The following KIF13A variants were observed in gnomAD, a reference collection of about 807,000 sequenced individuals.
The protein encoded by KIF13A is kinesin-like protein KIF13A.
KIF13A carries 79 observed loss-of-function variants against 212.2 expected under a neutral mutation model. The observed-to-expected ratio is 0.37, with a 90% CI of 0.31 to 0.45. The LOEUF (loss-of-function observed/expected upper bound fraction) is 0.45. Among genes scored for constraint, KIF13A ranks in the 20% least tolerant of loss-of-function variants. The pLI is 1.00. For missense variants in KIF13A, 1,901 were observed against 2,209.0 expected (o/e 0.86, Z 2.79); for synonymous variants, 789 against 808.6 (o/e 0.98, Z 0.41).
Position 17,809,442 on chromosome 6 carries a change from T to C in KIF13A, c.2001-512A>G, listed in dbSNP as rs1393023792. On this transcript the variant is annotated intron_variant, in intron 17 of 38. Coordinates refer to ENST00000259711, the MANE Select transcript of KIF13A (RefSeq NM_022113.6). The surrounding 1 kb of genome is among the most constrained non-coding windows in gnomAD (Gnocchi z 4.7). Reference sequence around the variant, plus strand: ...ACAACATTACTTGCTGATAAAAAGCTTCTCTAATATCCCAGATTGGTCAAA... The same window carrying C: ...ACAACATTACTTGCTGATAAAAAGCCTCTCTAATATCCCAGATTGGTCAAA... 1.3e-5 allele frequency among the ~76,000 whole-genome samples: 2 copies of C among 152,234 alleles called. No individual in the cohort carries two copies. Among genetic ancestry groups the C allele is most frequent in the Non-Finnish European group, 2.9e-5 (2 of 68,034 alleles).
At position 17,772,812 on chromosome 6, in the gene KIF13A, TC is replaced by T. The variant is rs1038044041; in HGVS notation, c.4324+665del. 1.3e-5 allele frequency among the ~76,000 whole-genome samples: 2 copies of T among 148,908 alleles called. No individual in the cohort carries two copies. The highest frequency in any genetic ancestry group is 1.5e-5 in the Non-Finnish European group (1 of 66,604). Reference sequence around the variant, plus strand: ...AAATTTTCTTGCGAGCCTCTTTTTTTCCCCCTCAGGCCACCCTGCTATATAT... The same window carrying T: ...AAATTTTCTTGCGAGCCTCTTTTTTTCCCCTCAGGCCACCCTGCTATATAT... On this transcript the variant is annotated intron_variant, in intron 36 of 38. Transcript: ENST00000259711. The surrounding 1 kb of genome is among the most constrained non-coding windows in gnomAD (Gnocchi z 4.8).
chr6:17,823,573 T>C (rs1764668116), intron 16 of KIF13A, among the ~76,000 whole-genome samples: 1 of 151,882 alleles, frequency 6.6e-6, no homozygotes. Flanking sequence ...GTTCAAGTGA[T>C]TCTCGTGCTC....
rs1433165070 is a variant in KIF13A, at chr6:17,856,335, C to T, written c.221-213G>A. 6.6e-6 allele frequency among the ~76,000 whole-genome samples: 1 copy of T among 152,178 alleles called. No homozygotes were observed. The highest frequency in any genetic ancestry group is 1.5e-5 in the Non-Finnish European group (1 of 68,028). ...CAGTACCTGGATACACTGTTTCCCT[C>T]TAAGACACTTCTCTAGATATTAAAG... is the stretch of plus-strand genomic sequence containing the variant. On this transcript the variant is annotated intron_variant, in intron 4 of 38. Coordinates refer to ENST00000259711, the MANE Select transcript of KIF13A (RefSeq NM_022113.6). This position sits in a 1 kb window ranked among gnomAD's most constrained non-coding sequence, Gnocchi z 4.5.
chr6:17,919,075 G>T lies in KIF13A; in HGVS notation c.147-20895C>A, dbSNP rs531663788. 1.3e-5 allele frequency among the ~76,000 whole-genome samples: 2 copies of T among 152,212 alleles called. No individual in the cohort carries two copies. Among genetic ancestry groups the T allele is most frequent in the Admixed American group, 1.3e-4 (2 of 15,286 alleles). ...GATGCAGTCCTTGGCTCACATCAACGGATCACTTGTAACATTTGAGAAAAT... is the reference window on the plus strand; with the variant it reads ...GATGCAGTCCTTGGCTCACATCAACTGATCACTTGTAACATTTGAGAAAAT... On this transcript the variant is annotated intron_variant, in intron 2 of 38. Transcript: ENST00000259711. The surrounding 1 kb of genome is among the most constrained non-coding windows in gnomAD (Gnocchi z 4.1).
chr6:17,853,811 T>C (rs1767891417), intron 6 of KIF13A, among the ~76,000 whole-genome samples: 1 of 152,056 alleles, frequency 6.6e-6, no homozygotes, highest in African/African-American at 2.4e-5. Flanking sequence ...AACACAAAAT[T>C]CACAATAGTA....
At chr6:17,803,690 G>A (rs2150337449) in intron 20 of KIF13A, among the ~76,000 whole-genome samples, 1 of 152,224 alleles carries the variant, frequency 6.6e-6, no homozygotes, top group South Asian at 2.1e-4. Context: ...AGACCATTTA[G>A]GGGCCAGGAA....
chr6:17,851,746 C>A (rs544416488), intron 7 of KIF13A, among the ~76,000 whole-genome samples: 4 of 152,198 alleles, frequency 2.6e-5, no homozygotes, highest in African/African-American at 9.6e-5. Flanking sequence ...GGCCTCCCGG[C>A]CATACTGTAA....
intron 2 of KIF13A, among the ~76,000 whole-genome samples, chr6:17,975,310 G>A (rs148697485): frequency 1.6e-4 from 25 of 152,130 alleles, no homozygotes; most frequent in Non-Finnish European, 2.9e-4. Flanking sequence ...CTGAGACTGT[G>A]TTCCGAATTA....
rs140191648 is a variant in KIF13A, at chr6:17,837,084, A to G, written c.949T>C (p.Leu317=). ...ATAGAGGTTTGGCTGTTGCCCCCCA[A>G]GTTGTCCTGCCAAGTATTTCAAACA... The part of the protein sequence containing the change: ...SVLTWLLKDN[L]GGNSQTSMIA... The change falls in exon 11 of 39, where the codon TTG becomes CTG. Residue 317 remains leucine (L), a synonymous_variant. Coordinates refer to ENST00000259711, the MANE Select transcript of KIF13A (RefSeq NM_022113.6). The surrounding 1 kb of genome is among the most constrained non-coding windows in gnomAD (Gnocchi z 5.4). The G allele has an allele frequency of 2.1e-3, 3,338 of 1,613,678 alleles. 71 individuals carry two copies. The Admixed American group carries it at 0.035, about 17-fold the overall frequency.
chr6:17,913,746 C>A (rs1053284537), intron 2 of KIF13A, among the ~76,000 whole-genome samples: 3 of 152,150 alleles, frequency 2.0e-5, no homozygotes, highest in Admixed American at 6.5e-5. Context: ...CTAAGTCATT[C>A]ATCGACAATC....
intron 18 of KIF13A, among the ~76,000 whole-genome samples, chr6:17,806,297 A>G (rs1762942680): frequency 6.6e-6 from 1 of 152,140 alleles, no homozygotes; most frequent in Non-Finnish European, 1.5e-5. Context: ...TATACATTTG[A>G]GTAATTATTC....
intron 2 of KIF13A, among the ~76,000 whole-genome samples, chr6:17,983,863 G>A (rs1467555227): frequency 6.6e-6 from 1 of 152,152 alleles, no homozygotes; most frequent in Non-Finnish European, 1.5e-5. Context: ...GCAATGTGTT[G>A]CAGGTATGCT....
intron 4 of KIF13A, among the ~76,000 whole-genome samples, chr6:17,865,677 T>C (rs933350753): frequency 3.9e-5 from 6 of 152,348 alleles, no homozygotes; most frequent in South Asian, 4.1e-4. Context: ...AGAGTTCAGA[T>C]AAAGAAACTG....
intron 3 of KIF13A, among the ~76,000 whole-genome samples, chr6:17,887,678 G>A (rs1315228448): frequency 6.6e-6 from 1 of 151,922 alleles, no homozygotes; most frequent in African/African-American, 2.4e-5. Context: ...TTTCTTGTTT[G>A]TCTTCCTTTA....
At chr6:17,861,443 G>A (rs918844361) in intron 4 of KIF13A, among the ~76,000 whole-genome samples, 1 of 152,126 alleles carries the variant, frequency 6.6e-6, no homozygotes, top group Admixed American at 6.5e-5. Context: ...TGGATATTTA[G>A]ATTATTTCCT....
At chr6:17,823,425 TC>T (rs1184914732) in intron 16 of KIF13A, among the ~76,000 whole-genome samples, 2 of 138,650 alleles carry the variant, frequency 1.4e-5, no homozygotes, top group Admixed American at 1.5e-4. Context: ...GCCCCCCACT[TC>T]CCCCTCCCTG....
chr6:17,895,153 A>T lies in KIF13A; in HGVS notation c.159+3015T>A, dbSNP rs1259976639. On this transcript the variant is annotated intron_variant, in intron 3 of 38. Coordinates refer to ENST00000259711, the MANE Select transcript of KIF13A (RefSeq NM_022113.6). The surrounding 1 kb of genome is among the most constrained non-coding windows in gnomAD (Gnocchi z 4.4). The stretch of plus-strand genomic sequence containing the variant: ...AGTTATGCCACTTTCTATAGCTTCT[A>T]GTTCTCTCCAACATTTTTCAATCTT... Among the ~76,000 whole-genome samples, 2 of 152,210 alleles carry T rather than the reference A, an allele frequency of 1.3e-5. No homozygotes were observed. Among genetic ancestry groups the T allele is most frequent in the Non-Finnish European group, 2.9e-5 (2 of 68,030 alleles).
chr6:17,826,663 C>A lies in KIF13A; in HGVS notation c.1533-539G>T, dbSNP rs1271235127. 1.3e-5 allele frequency among the ~76,000 whole-genome samples: 2 copies of A among 151,986 alleles called. No individual in the cohort carries two copies. Among genetic ancestry groups the A allele is most frequent in the Non-Finnish European group, 2.9e-5 (2 of 68,000 alleles). ...TGTTAAAAGAGATCTAAGAGGAATA[C>A]TATAAAACAATGGTAGGATCTTATC... On this transcript the variant is annotated intron_variant, in intron 14 of 38. Coordinates refer to ENST00000259711, the MANE Select transcript of KIF13A (RefSeq NM_022113.6). The surrounding 1 kb of genome is among the most constrained non-coding windows in gnomAD (Gnocchi z 4.7).
intron 9 of KIF13A, among the ~76,000 whole-genome samples, chr6:17,844,394 T>G (rs992738370): frequency 5.3e-5 from 8 of 152,254 alleles, no homozygotes; most frequent in African/African-American, 1.7e-4. Context: ...AATGTTACTG[T>G]ATACTTTATT....
Sources: gnomAD v4.1 joint callset for allele counts (sites outside exome capture counted in the v4.1 genomes callset) on GRCh38, gnomAD v4.1.1 for gene constraint, Gnocchi (gnomAD v3.1) non-coding constraint, MANE v1.5 for transcripts, NCBI Gene and HGNC (gene_info 2026-07-23, HGNC 2026-07-21) for gene names.